Variants in NOS1AP observed in about 807,000 individuals in gnomAD.
NOS1AP encodes nitric oxide synthase 1 adaptor protein.
A neutral mutation model predicts 56.2 loss-of-function variants in NOS1AP; 21 were observed. The observed-to-expected ratio is 0.37, with a 90% CI of 0.26 to 0.54. The LOEUF is 0.54. Ranked by LOEUF, NOS1AP falls within the 20% of genes least tolerant of loss-of-function variation. The probability of loss-of-function intolerance (pLI) is 0.84; values close to 1 mark genes in which losing one functional copy is unlikely to be tolerated. For missense variants in NOS1AP, 522 were observed against 657.8 expected (o/e 0.79, Z 2.26); for synonymous variants, 270 against 274.6 (o/e 0.98, Z 0.17).
At chr1:162,134,084 T>C (rs1487710868) in intron 1 of NOS1AP, among the ~76,000 whole-genome samples, 1 of 152,194 alleles carries the variant, frequency 6.6e-6, no homozygotes, top group Non-Finnish European at 1.5e-5. Context: ...ATTCAATTAA[T>C]AGGATAAAAC....
rs1553200080 is a variant in NOS1AP, at chr1:162,261,509, A to AAGAGAAGAGAG, written c.178-25835_178-25834insAGAGAAGAGAG. ...GAGAGAGAGAGAGAGAGAGAGAGAG[A>AAGAGAAGAGAG]GAGAGAGAGAGAGAGAGAGAGAGAG... On this transcript the variant is annotated intron_variant, in intron 2 of 9. Transcript: ENST00000361897. Among the ~76,000 whole-genome samples the AAGAGAAGAGAG allele has an allele frequency of 9.9e-4, 15 of 15,140 alleles. 6 individuals are homozygous for AAGAGAAGAGAG. The highest frequency in any genetic ancestry group is 3.1e-3 in the African/African-American group (11 of 3,534). The allele number at this position is 15,140 out of a possible 152,430, so 9.9% of individuals were successfully genotyped here. A position where few individuals can be genotyped will look rare whatever the true frequency, so the allele number is the denominator to read the frequency against.
At chr1:162,308,207 CAG>C (rs1351023077) in intron 4 of NOS1AP, among the ~76,000 whole-genome samples, 2 of 152,216 alleles carry the variant, frequency 1.3e-5, no homozygotes, top group African/African-American at 4.8e-5. Context: ...CTACTAGTGA[CAG>C]AGAAATTCAC....
chr1:162,087,221 G>A (rs969542660), intron 1 of NOS1AP, among the ~76,000 whole-genome samples: 1 of 152,096 alleles, frequency 6.6e-6, no homozygotes, highest in African/African-American at 2.4e-5. Flanking sequence ...TGACAGTGAT[G>A]CCCCTTAGTG....
chr1:162,190,860 T>C (rs1385045255), intron 2 of NOS1AP, among the ~76,000 whole-genome samples: 1 of 152,154 alleles, frequency 6.6e-6, no homozygotes. Context: ...GAACATGCAG[T>C]GTTTACCTTT....
chr1:162,252,288 C>A (rs997202183), intron 2 of NOS1AP, among the ~76,000 whole-genome samples: 1 of 152,138 alleles, frequency 6.6e-6, no homozygotes, highest in Admixed American at 6.5e-5. Flanking sequence ...CTCAAGCAAT[C>A]GGGCCACTTC....
intron 1 of NOS1AP, among the ~76,000 whole-genome samples, chr1:162,114,478 G>A (rs368257942): frequency 2.6e-5 from 4 of 152,266 alleles, no homozygotes; most frequent in South Asian, 2.1e-4. Context: ...TTCCCTAAAA[G>A]CCAGCTAATT....
At chr1:162,342,264 A>G (rs1657133881) in intron 5 of NOS1AP, among the ~76,000 whole-genome samples, 1 of 152,240 alleles carries the variant, frequency 6.6e-6, no homozygotes. Flanking sequence ...TCTAATGGCT[A>G]AGAAAGGTTA....
intron 6 of NOS1AP, among the ~76,000 whole-genome samples, chr1:162,352,172 G>A (rs1657525513): frequency 6.6e-6 from 1 of 151,878 alleles, no homozygotes; most frequent in South Asian, 2.1e-4. Context: ...CAATTCTCCT[G>A]TTTCAGCCTC....
At position 162,186,407 on chromosome 1, in the gene NOS1AP, A is replaced by G. The variant is rs564791267; in HGVS notation, c.177+31931A>G. Among the ~76,000 whole-genome samples the G allele has an allele frequency of 3.9e-5, 6 of 152,146 alleles. No individual in the cohort carries two copies. The South Asian group carries it at 1.2e-3, about 32-fold the overall frequency. Reference sequence around the variant, plus strand: ...TGAAAAGATGAAGAAAAAAAACAAAACAAAACAAAACAAAAAAAAACAAAA... The same window carrying G: ...TGAAAAGATGAAGAAAAAAAACAAAGCAAAACAAAACAAAAAAAAACAAAA... On this transcript the variant is annotated intron_variant, in intron 2 of 9. Transcript: ENST00000361897.
chr1:162,304,819 C>T (rs1450674013), intron 4 of NOS1AP, among the ~76,000 whole-genome samples: 6 of 142,442 alleles, frequency 4.2e-5, no homozygotes, highest in African/African-American at 1.6e-4. Context: ...TGTATGAGGA[C>T]TTTTTTCTAA....
At chr1:162,304,407 A>G (rs1247493767) in intron 4 of NOS1AP, among the ~76,000 whole-genome samples, 5 of 152,202 alleles carry the variant, frequency 3.3e-5, no homozygotes, top group African/African-American at 9.6e-5. Flanking sequence ...CTTGATTACC[A>G]TAGTTTAATA....
intron 1 of NOS1AP, among the ~76,000 whole-genome samples, chr1:162,076,934 G>T (rs1691782129): frequency 6.6e-6 from 1 of 152,032 alleles, no homozygotes; most frequent in South Asian, 2.1e-4. Context: ...TCCTTTATAT[G>T]GCTGGATAAT....
intron 2 of NOS1AP, among the ~76,000 whole-genome samples, chr1:162,164,871 C>G (rs545845439): frequency 6.6e-6 from 1 of 152,282 alleles, no homozygotes; most frequent in African/African-American, 2.4e-5. Flanking sequence ...GCGCAAACCT[C>G]TTTGATTCCT....
At chr1:162,335,182 T>C (rs931067013) in intron 5 of NOS1AP, among the ~76,000 whole-genome samples, 2 of 152,244 alleles carry the variant, frequency 1.3e-5, no homozygotes, top group Non-Finnish European at 2.9e-5. Flanking sequence ...TTCTGATCTC[T>C]GGCTTTCCTG....
Position 162,357,144 on chromosome 1 carries a change from T to C in NOS1AP, c.939+8T>C. 1.2e-6 allele frequency: 2 copies of C among 1,603,862 alleles called. No homozygotes were observed. The highest frequency in any genetic ancestry group is 1.7e-6 in the Non-Finnish European group (2 of 1,179,618). ...CAAGTGGCTGTGGCCCAGGTTCTCCTCAGCCTCCTCCCTACTTCGCAGGCT... is the reference window on the plus strand; with the variant it reads ...CAAGTGGCTGTGGCCCAGGTTCTCCCCAGCCTCCTCCCTACTTCGCAGGCT... On this transcript the variant is annotated splice_region_variant and intron_variant, in intron 8 of 9. Transcript: ENST00000361897.
At chr1:162,348,859 T>A (rs1657390658) in intron 6 of NOS1AP, among the ~76,000 whole-genome samples, 3 of 152,224 alleles carry the variant, frequency 2.0e-5, no homozygotes, top group Non-Finnish European at 4.4e-5. Context: ...GAATTCTCTC[T>A]TCCTCCAGGT....
At chr1:162,071,819 A>G (rs1248051412) in intron 1 of NOS1AP, among the ~76,000 whole-genome samples, 2 of 152,094 alleles carry the variant, frequency 1.3e-5, no homozygotes, top group Non-Finnish European at 2.9e-5. Context: ...ACATACATAA[A>G]CTGGGAAATT....
chr1:162,283,721 C>G (rs1655008042), intron 2 of NOS1AP, among the ~76,000 whole-genome samples: 1 of 152,220 alleles, frequency 6.6e-6, no homozygotes, highest in African/African-American at 2.4e-5. Context: ...GACACTTTCC[C>G]CTGGCCTTTC....
chr1:162,332,529 C>A (rs1656806102), intron 4 of NOS1AP, among the ~76,000 whole-genome samples: 1 of 152,096 alleles, frequency 6.6e-6, no homozygotes, highest in Admixed American at 6.6e-5. Context: ...AGAGAGGGGA[C>A]AGAGAGTGGG....
Sources: allele counts gnomAD v4.1 joint callset (sites outside exome capture counted in the v4.1 genomes callset), GRCh38; gene constraint gnomAD v4.1.1; transcripts MANE v1.5; gene names NCBI Gene and HGNC (gene_info 2026-07-23, HGNC 2026-07-21).